Variants in SCN10A observed in about 807,000 individuals in gnomAD.
SCN10A encodes sodium channel protein type 10 subunit alpha.
In SCN10A, 162 loss-of-function variants were observed where a neutral mutation model predicts 170.7. The observed-to-expected ratio is 0.95, with a 90% CI of 0.84 to 1.08. The LOEUF is 1.08. Among genes scored for constraint, SCN10A ranks in the 50% least tolerant of loss-of-function variants. The probability of loss-of-function intolerance (pLI) is 0.00; values close to 1 mark genes in which losing one functional copy is unlikely to be tolerated. For missense variants in SCN10A, 2,527 were observed against 2,436.9 expected (o/e 1.04, Z -0.78); for synonymous variants, 985 against 904.6 (o/e 1.09, Z -1.59).
chr3:38,750,058 G>A lies in SCN10A; in HGVS notation c.1867+15C>T, dbSNP rs374363082. ...CATGACACAGTGGATGAACAATGCAGTGAGCAGCACTTACCCTCAAGGACG... is the reference window on the plus strand; with the variant it reads ...CATGACACAGTGGATGAACAATGCAATGAGCAGCACTTACCCTCAAGGACG... On this transcript the variant is annotated intron_variant, in intron 13 of 27. Transcript: ENST00000449082. 7.7e-6 allele frequency: 11 copies of A among 1,419,996 alleles called. No individual in the cohort carries two copies. Among genetic ancestry groups the A allele is most frequent in the Non-Finnish European group, 9.9e-6 (10 of 1,005,060 alleles). The allele number at this position is 1,419,996 out of a possible 1,614,324, so 88.0% of individuals were successfully genotyped here.
Position 38,697,298 on chromosome 3 carries a change from A to G in SCN10A, c.*51T>C. On this transcript the variant is annotated 3_prime_UTR_variant, in exon 28 of 28. Coordinates refer to ENST00000449082, the MANE Select transcript of SCN10A (RefSeq NM_006514.4). The stretch of plus-strand genomic sequence containing the variant: ...ATCTGCAATGGGAAAGAGTTAACAC[A>G]GAGCAGAAGGACGCATCATAACTGA... The G allele has an allele frequency of 6.3e-7, 1 of 1,590,098 alleles. No individual in the cohort carries two copies. Among genetic ancestry groups the G allele is most frequent in the East Asian group, 2.2e-5 (1 of 44,564 alleles).
At position 38,793,759 on chromosome 3, in the gene SCN10A, C is replaced by T. The variant is rs1486528454; in HGVS notation, c.252G>A (p.Pro84=). ...CTCTTACCCGGTGTGTGCTGTAGAACGGATCTAGATCCTCCAGGGGCTCCC... is the reference window on the plus strand; with the variant it reads ...CTCTTACCCGGTGTGTGCTGTAGAATGGATCTAGATCCTCCAGGGGCTCCC... ...LIGEPLEDLD[P]FYSTHRTFMV... is the part of the protein sequence containing the mutation. The change falls in exon 2 of 28, where the codon CCG becomes CCA. Residue 84 remains proline, a synonymous_variant. Coordinates refer to ENST00000449082, the MANE Select transcript of SCN10A (RefSeq NM_006514.4). 1.5e-5 allele frequency: 24 copies of T among 1,613,730 alleles called. No individual in the cohort carries two copies. The East Asian group carries it at 2.5e-4, about 16-fold the overall frequency.
intron 27 of SCN10A, among the ~76,000 whole-genome samples, chr3:38,700,826 G>A (rs916588283): frequency 2.0e-5 from 3 of 152,308 alleles, no homozygotes; most frequent in East Asian, 1.9e-4. Context: ...AAAGTAAGCA[G>A]GTCAGGATAT....
At chr3:38,706,719 G>A (rs1184244694) in intron 26 of SCN10A, among the ~76,000 whole-genome samples, 2 of 152,166 alleles carry the variant, frequency 1.3e-5, no homozygotes, top group East Asian at 3.8e-4. Flanking sequence ...GAAAAAAGGA[G>A]TGAAACTAGA....
In SCN10A at chr3:38,742,516, A is replaced by G. The variant is rs1239637726; in HGVS notation, c.1881T>C (p.Ser627=). The G allele has an allele frequency of 1.2e-6, 2 of 1,613,896 alleles. No homozygotes were observed. Among genetic ancestry groups the G allele is most frequent in the East Asian group, 4.5e-5 (2 of 44,888 alleles). The change falls in exon 14 of 28, where the codon TCT becomes TCC. Residue 627 remains serine, a synonymous_variant. Transcript: ENST00000449082. ...TCAAGCAGGGTGGGCACTTCTGTTC[A>G]GACTCCTCGAGTTCTGCATTATAGT... ...ITSVLEELEE[S]EQKCPPCLTS...
chr3:38,787,160 C>T (rs2064215340), intron 4 of SCN10A, among the ~76,000 whole-genome samples: 1 of 152,108 alleles, frequency 6.6e-6, no homozygotes, highest in South Asian at 2.1e-4. Flanking sequence ...AATCTGAGAA[C>T]ATGTCTCCCC....
chr3:38,808,400 G>A (rs113954769), intron 1 of SCN10A, among the ~76,000 whole-genome samples: 2 of 152,244 alleles, frequency 1.3e-5, no homozygotes, highest in African/African-American at 4.8e-5. Flanking sequence ...ATAGGAACCA[G>A]TATTTCCTGG....
At chr3:38,800,151 C>A (rs1456823190) in intron 1 of SCN10A, among the ~76,000 whole-genome samples, 2 of 152,094 alleles carry the variant, frequency 1.3e-5, no homozygotes, top group African/African-American at 2.4e-5. Flanking sequence ...AAGCTAGAAC[C>A]AAAGCTCCTA....
intron 20 of SCN10A, 144 bp downstream of exon 20, chr3:38,722,113 TG>T: frequency 1.3e-6 from 1 of 799,522 alleles, no homozygotes; most frequent in Non-Finnish European, 1.9e-6. Flanking sequence ...GCCCTCGCCC[TG>T]GGCTGCAGCT....
At chr3:38,801,457 A>G (rs533170090) in intron 1 of SCN10A, among the ~76,000 whole-genome samples, 39 of 152,198 alleles carry the variant, frequency 2.6e-4, no homozygotes, top group Non-Finnish European at 5.0e-4. Flanking sequence ...GAACAAGCTT[A>G]TCTCTGAGTC....
At chr3:38,768,475 C>T (rs1356943583) in intron 5 of SCN10A, among the ~76,000 whole-genome samples, 1 of 152,030 alleles carries the variant, frequency 6.6e-6, no homozygotes, top group Non-Finnish European at 1.5e-5. Context: ...CTGAAAAAAA[C>T]TTTATCTTGT....
chr3:38,762,129 A>C (rs1559450897), intron 6 of SCN10A, among the ~76,000 whole-genome samples: 1 of 152,214 alleles, frequency 6.6e-6, no homozygotes, highest in African/African-American at 2.4e-5. Flanking sequence ...GCAGCTTCGC[A>C]GGTAGCAGAA....
intron 15 of SCN10A, among the ~76,000 whole-genome samples, chr3:38,737,833 T>TTTCTTTCTTTCTTTCTTTCTTTCC (rs201474854): frequency 1.8e-4 from 7 of 39,600 alleles, no homozygotes; most frequent in Non-Finnish European, 2.9e-4. Context: ...TCTTTCTTTC[T>TTTCTTTCTTTCTTTCTTTCTTTCC]CTTTCTTCTT....
In SCN10A at chr3:38,709,480, T is replaced by G. The variant is rs756164092; in HGVS notation, c.4279A>C (p.Lys1427Gln). Reference sequence around the variant, plus strand: ...AGAAACTCCTGAGCACCACTTATCTTTTTTTTCTGTTGATTGAAGTTGTCA... The same window carrying G: ...AGAAACTCCTGAGCACCACTTATCTGTTTTTTCTGTTGATTGAAGTTGTCA... ...IIDNFNQQKK[K>Q]LGGQDIFMTE... Residue 1427 changes from lysine (K) to glutamine (Q), a missense_variant and splice_region_variant, in exon 25 of 28, where the codon AAG becomes CAG. By Grantham distance (53) the Lys-to-Gln change is moderately conservative. Coordinates refer to ENST00000449082, the MANE Select transcript of SCN10A (RefSeq NM_006514.4). The G allele has an allele frequency of 1.9e-6, 3 of 1,608,390 alleles. No individual in the cohort carries two copies. In the South Asian group the frequency reaches 3.3e-5, roughly 18 times the overall value.
rs1231326221 is a variant in SCN10A, at chr3:38,736,966, T to TTTTG, written c.2280+2548_2280+2549insCAAA. Among the ~76,000 whole-genome samples, 7 of 68,460 alleles carry TTTTG rather than the reference T, an allele frequency of 1.0e-4. 1 individual carries two copies. Among genetic ancestry groups the TTTTG allele is most frequent in the Non-Finnish European group, 1.5e-4 (6 of 39,376 alleles). The allele number at this position is 68,460 out of a possible 152,430, so 44.9% of individuals were successfully genotyped here. ...CCCAAGTGTAGCAGAAATGTTCGTT[T>TTTTG]TTTTTTTTTTTTTTTTTTTTTTGAG... is the stretch of plus-strand genomic sequence containing the variant. On this transcript the variant is annotated intron_variant, in intron 15 of 27. Transcript: ENST00000449082.
intron 2 of SCN10A, 108 bp downstream of exon 2, chr3:38,793,633 T>C (rs2064313030): frequency 9.2e-7 from 1 of 1,089,640 alleles, no homozygotes; most frequent in Non-Finnish European, 1.3e-6. Flanking sequence ...ACGGAATCTT[T>C]AGCAGACTGC....
intron 20 of SCN10A, among the ~76,000 whole-genome samples, chr3:38,721,974 T>C (rs562577196): frequency 9.3e-4 from 141 of 152,328 alleles, no homozygotes; most frequent in Non-Finnish European, 1.7e-3. Context: ...CTTTTAAACA[T>C]TTTGAGTGTC....
rs12497645 is a variant in SCN10A, at chr3:38,806,924, A to G, written c.-33+9113T>C. Among the ~76,000 whole-genome samples the G allele has an allele frequency of 5.1e-3, 782 of 152,294 alleles. 23 individuals carry two copies. The highest frequency in any genetic ancestry group is 0.045 in the Admixed American group (681 of 15,280). Reference sequence around the variant, plus strand: ...AAATAAAAGTTTTCTCATTTGTACAATGAGGGGATTGGTCTGGGTGTATAA... The same window carrying G: ...AAATAAAAGTTTTCTCATTTGTACAGTGAGGGGATTGGTCTGGGTGTATAA... On this transcript the variant is annotated intron_variant, in intron 1 of 27. Transcript: ENST00000449082.
At position 38,728,998 on chromosome 3, in the gene SCN10A, G is replaced by A. The variant is rs577018765; in HGVS notation, c.2281-97C>T. On this transcript the variant is annotated intron_variant, in intron 15 of 27. Coordinates refer to ENST00000449082, the MANE Select transcript of SCN10A (RefSeq NM_006514.4). ...AACCAAAGATCTGGGAAAAACACAA[G>A]GCCTCTCATCCCATTAAACCAGGGC... The A allele has an allele frequency of 1.7e-4, 257 of 1,473,304 alleles. 1 individual carries two copies. In the East Asian group the frequency reaches 5.8e-3, roughly 33 times the overall value. The allele number at this position is 1,473,304 out of a possible 1,614,324, so 91.3% of individuals were successfully genotyped here.
Sources: allele counts gnomAD v4.1 joint callset (sites outside exome capture counted in the v4.1 genomes callset), GRCh38; gene constraint gnomAD v4.1.1; transcripts MANE v1.5; gene names NCBI Gene and HGNC (gene_info 2026-07-23, HGNC 2026-07-21).